The following LY96 variants were observed in gnomAD, a reference collection of about 807,000 sequenced individuals.
LY96 encodes myeloid differentiation protein-2.
In LY96, 18 loss-of-function variants were observed where a neutral mutation model predicts 18.9. The ratio of observed to expected loss-of-function variants is 0.95; its 90% confidence interval spans 0.66 to 1.41. The LOEUF is 1.41. Among genes scored for constraint, LY96 ranks in the 40% most tolerant of loss-of-function variants. The pLI is 0.00. For missense variants in LY96, 175 were observed against 182.4 expected (o/e 0.96, Z 0.23); for synonymous variants, 66 against 62.6 (o/e 1.06, Z -0.26).
chr8:74,096,694 C>T, the LY96 span, among the ~76,000 whole-genome samples: 10 of 152,202 alleles, frequency 6.6e-5, no homozygotes, highest in Non-Finnish European at 1.0e-4. Context: ...TTCATGGGGG[C>T]GGGGACTCTG....
intron 3 of LY96, among the ~76,000 whole-genome samples, chr8:74,014,503 T>A (rs1297803356): frequency 2.1e-5 from 3 of 143,708 alleles, no homozygotes; most frequent in South Asian, 2.2e-4. Context: ...TTTTTTTTTT[T>A]AAAGGGAAAC....
At chr8:74,095,843 C>A in the LY96 span, among the ~76,000 whole-genome samples, 1 of 152,192 alleles carries the variant, frequency 6.6e-6, no homozygotes, top group East Asian at 1.9e-4. Flanking sequence ...AACTCCCACA[C>A]GAGCACCTCC....
chr8:73,994,715 G>T (rs1294155688), intron 1 of LY96, among the ~76,000 whole-genome samples: 79 of 152,116 alleles, frequency 5.2e-4, no homozygotes, highest in Non-Finnish European at 5.9e-5. Context: ...TTGAACTCCT[G>T]GTCTCAAGCA....
chr8:74,053,534 T>C, the LY96 span, among the ~76,000 whole-genome samples: 4 of 152,222 alleles, frequency 2.6e-5, no homozygotes, highest in Non-Finnish European at 4.4e-5. Context: ...TTCCTCCTTG[T>C]CTGTGCTTCA....
the LY96 span, among the ~76,000 whole-genome samples, chr8:74,089,639 A>C: frequency 1.3e-5 from 2 of 152,054 alleles, no homozygotes; most frequent in Admixed American, 1.3e-4. Flanking sequence ...TAACAAAACA[A>C]AGTCCCTGCC....
chr8:73,996,316 T>TTTTCCTTC (rs1816124246), intron 1 of LY96, among the ~76,000 whole-genome samples: 2 of 137,648 alleles, frequency 1.5e-5, no homozygotes, highest in African/African-American at 5.3e-5. Flanking sequence ...AACCTGTTTC[T>TTTTCCTTC]TTTCCTTCCT....
chr8:74,021,555 GC>G (rs1203459979), intron 3 of LY96, among the ~76,000 whole-genome samples: 1 of 152,194 alleles, frequency 6.6e-6, no homozygotes, highest in South Asian at 2.1e-4. Flanking sequence ...ATTTGACCCA[GC>G]CATCCCACTA....
chr8:74,028,388 C>G lies in LY96; in HGVS notation c.385-568C>G, dbSNP rs1043935572. 4.4e-4 allele frequency among the ~76,000 whole-genome samples: 67 copies of G among 152,146 alleles called. 1 individual carries two copies. The highest frequency in any genetic ancestry group is 8.1e-4 in the Non-Finnish European group (55 of 68,012). ...AAGTGCTCATTACTAATCTGTTGAACAGTCTTCAGATGAAAGCACTGGATG... is the reference window on the plus strand; with the variant it reads ...AAGTGCTCATTACTAATCTGTTGAAGAGTCTTCAGATGAAAGCACTGGATG... On this transcript the variant is annotated intron_variant, in intron 4 of 4. Coordinates refer to ENST00000284818, the MANE Select transcript of LY96 (RefSeq NM_015364.5).
intron 1 of LY96, among the ~76,000 whole-genome samples, chr8:73,993,021 A>AT (rs1213341344): frequency 0.02 from 2,810 of 142,628 alleles, 44 homozygotes; most frequent in African/African-American, 0.052. Flanking sequence ...CACCCGGCTA[A>AT]TTTTTTTTTT....
chr8:74,080,522 T>C, the LY96 span, among the ~76,000 whole-genome samples: 2 of 152,312 alleles, frequency 1.3e-5, no homozygotes, highest in African/African-American at 4.8e-5. Flanking sequence ...GAATTTGGAA[T>C]TGAAGTTAAG....
At chr8:74,081,609 G>T in the LY96 span, among the ~76,000 whole-genome samples, 1 of 151,900 alleles carries the variant, frequency 6.6e-6, no homozygotes, top group Non-Finnish European at 1.5e-5. Context: ...GTCCAGTCTG[G>T]TCTCGAGCTC....
rs1248015598 is a variant in LY96 at position 74,002,067 on chromosome 8, C to T, written c.113-2729C>T. On this transcript the variant is annotated intron_variant, in intron 1 of 4. Coordinates refer to ENST00000284818, the MANE Select transcript of LY96 (RefSeq NM_015364.5). Reference sequence around the variant, plus strand: ...CCTTCCTTCCTTCCTTCCTTCCTTCCTTCCTTCCTTTCTTTCTTTCTTTCT... The same window carrying T: ...CCTTCCTTCCTTCCTTCCTTCCTTCTTTCCTTCCTTTCTTTCTTTCTTTCT... Among the ~76,000 whole-genome samples the T allele has an allele frequency of 1.5e-4, 5 of 34,006 alleles. 1 individual carries two copies. The highest frequency in any genetic ancestry group is 6.2e-4 in the African/African-American group (3 of 4,848). The allele number at this position is 34,006 out of a possible 152,430, so 22.3% of individuals were successfully genotyped here. A position where few individuals can be genotyped will look rare whatever the true frequency, so the allele number is the denominator to read the frequency against.
chr8:74,050,800 G>C, the LY96 span, among the ~76,000 whole-genome samples: 26 of 152,236 alleles, frequency 1.7e-4, no homozygotes, highest in Non-Finnish European at 3.4e-4. Flanking sequence ...GAGGCAGGTG[G>C]ATCACGAGGT....
chr8:74,037,496 G>A, the LY96 span, among the ~76,000 whole-genome samples: 36 of 152,096 alleles, frequency 2.4e-4, no homozygotes, highest in Middle Eastern at 3.4e-3. Context: ...GCCAAGCATC[G>A]CAGCACCTGC....
intron 3 of LY96, among the ~76,000 whole-genome samples, chr8:74,015,818 C>G (rs1447891534): frequency 6.6e-6 from 1 of 152,188 alleles, no homozygotes; most frequent in African/African-American, 2.4e-5. Context: ...CTCGCCCTGC[C>G]TCAGTTCCCT....
At chr8:74,030,032 C>T (rs1816944294), downstream of LY96, among the ~76,000 whole-genome samples, 1 of 152,060 alleles carries the variant, frequency 6.6e-6, no homozygotes, top group South Asian at 2.1e-4. Context: ...GCAGTGTTGA[C>T]CTAAAAGGAA....
At chr8:74,071,818 T>G in the LY96 span, among the ~76,000 whole-genome samples, 2 of 152,240 alleles carry the variant, frequency 1.3e-5, no homozygotes, top group African/African-American at 4.8e-5. Context: ...ATTATGTTAC[T>G]AATATTGATT....
intron 1 of LY96, among the ~76,000 whole-genome samples, chr8:74,001,256 C>G (rs1461717807): frequency 7.3e-5 from 11 of 149,920 alleles, no homozygotes; most frequent in Non-Finnish European, 1.3e-4. Flanking sequence ...GACAGTCTCG[C>G]TCTGTCATAC....
chr8:74,085,117 C>T, the LY96 span, among the ~76,000 whole-genome samples: 1 of 152,148 alleles, frequency 6.6e-6, no homozygotes, highest in South Asian at 2.1e-4. Flanking sequence ...CTATTATATG[C>T]CAGCTGCGGC....
Sources: gnomAD v4.1 joint callset for allele counts (sites outside exome capture counted in the v4.1 genomes callset) on GRCh38, gnomAD v4.1.1 for gene constraint, MANE v1.5 for transcripts, NCBI Gene and HGNC (gene_info 2026-07-23, HGNC 2026-07-21) for gene names.